Variants in CDC42BPA observed in about 807,000 individuals in gnomAD.
CDC42BPA encodes CDC42 binding protein kinase alpha, also known as serine/threonine-protein kinase MRCK alpha.
CDC42BPA carries 80 observed loss-of-function variants against 223.5 expected under a neutral mutation model. The ratio of observed to expected loss-of-function variants is 0.36; its 90% confidence interval spans 0.30 to 0.43. The LOEUF (loss-of-function observed/expected upper bound fraction) is 0.43. Among genes scored for constraint, CDC42BPA ranks in the 20% least tolerant of loss-of-function variants. The probability of loss-of-function intolerance (pLI) is 1.00; values close to 1 mark genes in which losing one functional copy is unlikely to be tolerated. For missense variants in CDC42BPA, 1,743 were observed against 2,099.9 expected, an observed-to-expected ratio of 0.83 and a Z score of 3.32; for synonymous variants, 694 against 718.6, an observed-to-expected ratio of 0.97 and a Z score of 0.55.
intron 2 of CDC42BPA, among the ~76,000 whole-genome samples, chr1:227,218,679 T>C (rs1355946037): frequency 6.6e-6 from 1 of 152,198 alleles, no homozygotes; most frequent in African/African-American, 2.4e-5. Flanking sequence ...GTTATATAAG[T>C]ACTGAAGAGC....
chr1:227,265,275 G>T (rs1317589940), intron 1 of CDC42BPA: 1 of 513,540 alleles, frequency 1.9e-6, no homozygotes, highest in Non-Finnish European at 3.5e-6. Flanking sequence ...GAGACCTTGA[G>T]AAGTTATTTA....
intron 34 of CDC42BPA, among the ~76,000 whole-genome samples, chr1:227,008,971 T>A (rs1398502529): frequency 6.6e-6 from 1 of 152,190 alleles, no homozygotes. Context: ...GCAAGCAGCA[T>A]GTGAACAATG....
At chr1:227,192,809 A>C (rs952707755) in intron 5 of CDC42BPA, among the ~76,000 whole-genome samples, 5 of 96,202 alleles carry the variant, frequency 5.2e-5, no homozygotes, top group African/African-American at 1.9e-4. Flanking sequence ...ACTTTCATAC[A>C]AAAAAAATCT....
chr1:227,267,366 T>G (rs187450520), intron 1 of CDC42BPA, among the ~76,000 whole-genome samples: 337 of 152,306 alleles, frequency 2.2e-3, no homozygotes, highest in Non-Finnish European at 3.9e-3. Flanking sequence ...CTAGAAGACC[T>G]GTGAGAGGGG....
chr1:227,129,598 T>C (rs375269825), intron 10 of CDC42BPA, among the ~76,000 whole-genome samples: 4 of 140,214 alleles, frequency 2.9e-5, no homozygotes, highest in African/African-American at 8.2e-5. Flanking sequence ...GCCCCGGAGG[T>C]TGAGGTGGTA....
intron 5 of CDC42BPA, among the ~76,000 whole-genome samples, chr1:227,162,868 A>ATGTGTGTG (rs36157906): frequency 0.12 from 18,650 of 149,362 alleles, 1,234 homozygotes; most frequent in Middle Eastern, 0.17. Context: ...ATAAATATAT[A>ATGTGTGTG]TGTGTGTGTG....
chr1:227,235,668 C>A (rs1419899923), intron 2 of CDC42BPA, among the ~76,000 whole-genome samples: 1 of 152,166 alleles, frequency 6.6e-6, no homozygotes, highest in Non-Finnish European at 1.5e-5. Flanking sequence ...CTGATTTTCA[C>A]CGCTGACAAG....
At chr1:227,003,065 G>A (rs150542999) in intron 35 of CDC42BPA, among the ~76,000 whole-genome samples, 286 of 152,114 alleles carry the variant, frequency 1.9e-3, no homozygotes, top group African/African-American at 6.3e-3. Context: ...TCTTTATGTC[G>A]TCAGAATCTA....
chr1:227,284,790 G>C (rs936170636), intron 1 of CDC42BPA, among the ~76,000 whole-genome samples: 1 of 151,874 alleles, frequency 6.6e-6, no homozygotes, highest in Non-Finnish European at 1.5e-5. Context: ...GCAAAACCCT[G>C]TCTCTACCCA....
chr1:227,075,061 T>TGAGG (rs1679177542), intron 17 of CDC42BPA, among the ~76,000 whole-genome samples: 1 of 152,040 alleles, frequency 6.6e-6, no homozygotes, highest in African/African-American at 2.4e-5. Flanking sequence ...GGGGAGAAGG[T>TGAGG]GAGGGGAGGA....
At chr1:227,084,258 T>G (rs1447805936) in intron 16 of CDC42BPA, among the ~76,000 whole-genome samples, 1 of 152,200 alleles carries the variant, frequency 6.6e-6, no homozygotes. Flanking sequence ...CTGGGTGTGG[T>G]GGCTCACGCC....
chr1:227,033,698 G>T (rs2148687186), intron 26 of CDC42BPA, among the ~76,000 whole-genome samples: 1 of 152,222 alleles, frequency 6.6e-6, no homozygotes, highest in Non-Finnish European at 1.5e-5. Flanking sequence ...TTTGAACCCT[G>T]GTAGGTCTCT....
intron 2 of CDC42BPA, among the ~76,000 whole-genome samples, chr1:227,240,362 T>C (rs1205665330): frequency 6.6e-6 from 1 of 152,124 alleles, no homozygotes; most frequent in African/African-American, 2.4e-5. Flanking sequence ...AATTTATCTA[T>C]GTACTCAGTG....
At chr1:227,093,671 T>G (rs569126417) in intron 15 of CDC42BPA, among the ~76,000 whole-genome samples, 29 of 152,286 alleles carry the variant, frequency 1.9e-4, no homozygotes, top group African/African-American at 6.7e-4. Flanking sequence ...ACCAAAGACT[T>G]TTGTATGTTC....
Position 227,129,219 on chromosome 1 carries a change from G to GTC in CDC42BPA, c.1401_1402dup (p.Thr468ArgfsTer15). ...AGTTGAATACTGCAGAGCTTGGACA[G>GTC]TCTGTGTTGACTCTTTAAAAAAAAG... On this transcript the variant is annotated frameshift_variant, in exon 11 of 37. Transcript: ENST00000366766. LOFTEE classifies it high-confidence loss of function. 1 of 1,582,896 alleles carries GTC rather than the reference G, an allele frequency of 6.3e-7. No homozygotes were observed. Among genetic ancestry groups the GTC allele is most frequent in the Non-Finnish European group, 8.6e-7 (1 of 1,166,274 alleles).
At chr1:227,275,607 C>T (rs1686816793) in intron 1 of CDC42BPA, among the ~76,000 whole-genome samples, 1 of 151,500 alleles carries the variant, frequency 6.6e-6, no homozygotes, top group South Asian at 2.1e-4. Context: ...CCCCCTCTCC[C>T]CCTCCCCACG....
Position 227,112,823 on chromosome 1 carries a change from T to C in CDC42BPA, c.1738A>G (p.Met580Val), listed in dbSNP as rs772472208. The C allele has an allele frequency of 9.3e-6, 15 of 1,614,020 alleles. No individual in the cohort carries two copies. Among genetic ancestry groups the C allele is most frequent in the African/African-American group, 2.7e-5 (2 of 74,940 alleles). The stretch of plus-strand genomic sequence containing the variant: ...TCTGTTAGCCGCTCATTGATCTCCA[T>C]GAATTCCTGCATGGCCAGTTTCCTC... ...CQRKLAMQEF[M>V]EINERLTELH... The change falls in exon 13 of 37, where the codon ATG becomes GTG. Residue 580 changes from methionine (M) to valine (V), a missense_variant. Transcript: ENST00000366766.
intron 3 of CDC42BPA, among the ~76,000 whole-genome samples, chr1:227,207,629 T>C (rs534657748): frequency 2.0e-5 from 3 of 150,812 alleles, no homozygotes; most frequent in Non-Finnish European, 3.0e-5. Context: ...GGTTTTTTGT[T>C]CTTGCGATAG....
intron 1 of CDC42BPA, among the ~76,000 whole-genome samples, chr1:227,268,654 A>G (rs147465031): frequency 0.2 from 28,823 of 141,568 alleles, 3,292 homozygotes; most frequent in African/African-American, 0.26. Context: ...GTGTGTGTGT[A>G]TATATATATA....
Sources: allele counts gnomAD v4.1 joint callset (sites outside exome capture counted in the v4.1 genomes callset), GRCh38; gene constraint gnomAD v4.1.1; transcripts MANE v1.5; gene names NCBI Gene and HGNC (gene_info 2026-07-23, HGNC 2026-07-21).